Variants in MS4A14 observed in about 807,000 individuals in gnomAD.
MS4A14 encodes the protein membrane spanning 4-domains A14.
Under a neutral mutation model 16.7 loss-of-function variants are expected in MS4A14, and 18 were observed. That is an observed-to-expected ratio of 1.08 (90% confidence interval 0.75 to 1.60). The LOEUF (loss-of-function observed/expected upper bound fraction) is 1.60, where lower values mean the gene tolerates loss of function less well. MS4A14 is among the 40% of genes most tolerant of loss of function. MS4A14 has a pLI of 0.00. For missense variants in MS4A14, 812 were observed against 775.3 expected (o/e 1.05, Z -0.56); for synonymous variants, 305 against 289.4 (o/e 1.05, Z -0.55).
intron 4 of MS4A14, among the ~76,000 whole-genome samples, chr11:60,412,478 T>C (rs1590819005): frequency 6.6e-6 from 1 of 152,042 alleles, no homozygotes; most frequent in African/African-American, 2.4e-5. Context: ...TGCAAGGAAT[T>C]TGCCCATTTC....
At position 60,416,568 on chromosome 11, in the gene MS4A14, G is replaced by A. The variant is rs774435825; in HGVS notation, c.1600G>A (p.Asp534Asn). Reference protein sequence around the residue: ...GWQSPKQKSLDQQIKDWLSPK... With the variant: ...GWQSPKQKSLNQQIKDWLSPK... The stretch of plus-strand genomic sequence containing the variant: ...GCAATCTCCAAAGCAGAAATCCTTA[G>A]ACCAGCAAATCAAAGACTGGCTATC... Residue 534 changes from aspartate (D) to asparagine (N), a missense_variant, in exon 5 of 5, where the codon GAC (aspartate) becomes AAC (asparagine). Transcript: ENST00000300187. The A allele has an allele frequency of 1.2e-6, 2 of 1,613,834 alleles. No individual in the cohort carries two copies. The highest frequency in any genetic ancestry group is 4.5e-5 in the East Asian group (2 of 44,874).
At chr11:60,411,808 TAGC>T (rs749507107) in intron 4 of MS4A14, among the ~76,000 whole-genome samples, 2 of 152,186 alleles carry the variant, frequency 1.3e-5, no homozygotes, top group Non-Finnish European at 2.9e-5. Flanking sequence ...CAATATTTAA[TAGC>T]AGCAGTGAAA....
chr11:60,398,194 G>T (rs755613162), intron 2 of MS4A14: 8 of 428,910 alleles, frequency 1.9e-5, no homozygotes, highest in African/African-American at 1.2e-4. Flanking sequence ...TGTTTCCAAA[G>T]CCCTTGTGTG....
At chr11:60,406,706 C>A (rs1033494928) in intron 4 of MS4A14, among the ~76,000 whole-genome samples, 4 of 152,196 alleles carry the variant, frequency 2.6e-5, no homozygotes, top group Non-Finnish European at 5.9e-5. Context: ...ATAGAAGTAT[C>A]ATTTATAAAC....
intron 4 of MS4A14, among the ~76,000 whole-genome samples, chr11:60,408,148 T>G (rs2085815118): frequency 6.6e-6 from 1 of 152,206 alleles, no homozygotes; most frequent in South Asian, 2.1e-4. Flanking sequence ...ATGCAATGCT[T>G]TCCTCCATCA....
intron 3 of MS4A14, among the ~76,000 whole-genome samples, chr11:60,401,671 T>A (rs948449702): frequency 9.2e-5 from 14 of 152,258 alleles, no homozygotes; most frequent in African/African-American, 3.4e-4. Context: ...AAAAGTATAA[T>A]GAGAATCAGA....
intron 3 of MS4A14, among the ~76,000 whole-genome samples, chr11:60,401,812 CAA>C (rs776743816): frequency 1.6e-4 from 25 of 152,050 alleles, no homozygotes; most frequent in Non-Finnish European, 3.5e-4. Flanking sequence ...GACTAAAGAC[CAA>C]GAGAGAGATG....
intron 3 of MS4A14, among the ~76,000 whole-genome samples, chr11:60,400,920 C>T (rs1244117873): frequency 6.6e-6 from 1 of 152,116 alleles, no homozygotes; most frequent in African/African-American, 2.4e-5. Context: ...GGTTGAGAAA[C>T]CTTGCTCTAA....
At position 60,415,797 on chromosome 11, in the gene MS4A14, G is replaced by A; in HGVS notation, c.829G>A (p.Glu277Lys). ...LDSTFKQMKD[E>K]DLQSAIVQPS... Reference sequence around the variant, plus strand: ...CTCTACATTTAAACAAATGAAAGATGAAGATCTACAATCTGCTATTGTACA... The same window carrying A: ...CTCTACATTTAAACAAATGAAAGATAAAGATCTACAATCTGCTATTGTACA... Residue 277 changes from glutamate to lysine, a missense_variant, in exon 5 of 5, where the codon GAA becomes AAA. Physicochemically the swap from Glu to Lys is moderately conservative, Grantham distance 56 (BLOSUM62 1). Coordinates refer to ENST00000300187, the MANE Select transcript of MS4A14 (RefSeq NM_032597.5). 1 of 1,613,790 alleles carries A rather than the reference G, an allele frequency of 6.2e-7. No homozygotes were observed. Among genetic ancestry groups the A allele is most frequent in the Non-Finnish European group, 8.5e-7 (1 of 1,179,892 alleles).
intron 4 of MS4A14, among the ~76,000 whole-genome samples, chr11:60,404,934 G>T (rs528499054): frequency 6.6e-6 from 1 of 152,276 alleles, no homozygotes; most frequent in East Asian, 1.9e-4. Context: ...AATGGAGAAA[G>T]TCAGTAAATT....
chr11:60,405,601 C>T (rs1490822978), intron 4 of MS4A14, among the ~76,000 whole-genome samples: 2 of 152,152 alleles, frequency 1.3e-5, no homozygotes, highest in Admixed American at 6.5e-5. Flanking sequence ...CACATGACAG[C>T]AATTGGCTGG....
intron 2 of MS4A14, among the ~76,000 whole-genome samples, chr11:60,399,768 C>T (rs1326718278): frequency 4.6e-5 from 7 of 151,940 alleles, no homozygotes; most frequent in Admixed American, 3.3e-4. Context: ...GGGAGTGAAG[C>T]GGAGGGAGGT....
intron 2 of MS4A14, chr11:60,398,262 T>C: frequency 4.4e-6 from 1 of 225,300 alleles, no homozygotes; most frequent in Non-Finnish European, 8.8e-6. Flanking sequence ...ACAAATATCC[T>C]ACTTATTCCT....
chr11:60,417,132 A>G lies in MS4A14; in HGVS notation c.*124A>G. On this transcript the variant is annotated 3_prime_UTR_variant, in exon 5 of 5. Coordinates refer to ENST00000300187, the MANE Select transcript of MS4A14 (RefSeq NM_032597.5). ...CAGAAAGCTCTATACCAAGAAGTCC[A>G]AACCCAGCACGCAACAGCCCAACAT... 1 of 1,249,438 alleles carries G rather than the reference A, an allele frequency of 8.0e-7. No individual in the cohort carries two copies. Among genetic ancestry groups the G allele is most frequent in the Non-Finnish European group, 1.1e-6 (1 of 927,750 alleles). 77.4% of individuals were successfully genotyped at this position (1,249,438 alleles called of 1,614,324 possible). A position where few individuals can be genotyped will look rare whatever the true frequency, so the allele number is the denominator to read the frequency against.
chr11:60,403,727 C>T, intron 4 of MS4A14, among the ~76,000 whole-genome samples: 1 of 152,120 alleles, frequency 6.6e-6, no homozygotes, highest in East Asian at 1.9e-4. Context: ...CTCCAATAGG[C>T]CTTTCTCTCT....
At position 60,415,586 on chromosome 11, in the gene MS4A14, T is replaced by G. The variant is rs573741312; in HGVS notation, c.618T>G (p.Ala206=). The G allele has an allele frequency of 1.2e-4, 193 of 1,613,832 alleles. 3 individuals are homozygous for G. In the South Asian group the frequency reaches 1.9e-3, roughly 16 times the overall value. Residue 206 remains alanine, a synonymous_variant, in exon 5 of 5, where the codon GCT becomes GCG. Transcript: ENST00000300187. ...NAQSVIFGGY[A]FFKLTLSRSP... ...AATCTGTTATCTTTGGAGGCTATGCTTTCTTCAAGTTAACACTCTCTAGGA... is the reference window on the plus strand; with the variant it reads ...AATCTGTTATCTTTGGAGGCTATGCGTTCTTCAAGTTAACACTCTCTAGGA...
chr11:60,404,795 C>T (rs919539374), intron 4 of MS4A14: 3 of 293,458 alleles, frequency 1.0e-5, no homozygotes, highest in African/African-American at 4.4e-5. Context: ...TAGCGCATAG[C>T]TCCCAATCCT....
At chr11:60,408,393 C>T (rs1403244690) in intron 4 of MS4A14, among the ~76,000 whole-genome samples, 1 of 152,046 alleles carries the variant, frequency 6.6e-6, no homozygotes, top group Non-Finnish European at 1.5e-5. Context: ...TAACTCTCAC[C>T]ACTATCTATG....
chr11:60,402,874 G>C (rs200388071), intron 3 of MS4A14, 38 bp from the exon 4 acceptor site: 1 of 1,593,014 alleles, frequency 6.3e-7, no homozygotes, highest in South Asian at 1.1e-5. Context: ...CTTTGGTTTC[G>C]ATCTTATTTA....
Sources: gnomAD v4.1 joint callset for allele counts (sites outside exome capture counted in the v4.1 genomes callset) on GRCh38, gnomAD v4.1.1 for gene constraint, MANE v1.5 for transcripts, NCBI Gene and HGNC (gene_info 2026-07-23, HGNC 2026-07-21) for gene names.